The following KDM4B variants were observed in gnomAD, a reference collection of about 807,000 sequenced individuals.
The protein encoded by KDM4B is lysine-specific demethylase 4B.
A neutral mutation model predicts 125.2 loss-of-function variants in KDM4B; 32 were observed. The ratio of observed to expected loss-of-function variants is 0.26; its 90% CI spans 0.19 to 0.34. The LOEUF (loss-of-function observed/expected upper bound fraction) is 0.34, where lower values mean the gene tolerates loss of function less well. KDM4B is among the 10% of genes least tolerant of loss of function. KDM4B has a pLI of 1.00. For missense variants in KDM4B, 1,190 were observed against 1,577.7 expected (o/e 0.75, Z 4.16); for synonymous variants, 721 against 677.9 (o/e 1.06, Z -0.99).
At chr19:5,042,681 A>T (rs948674162) in intron 5 of KDM4B, among the ~76,000 whole-genome samples, 11 of 145,150 alleles carry the variant, frequency 7.6e-5, no homozygotes, top group African/African-American at 2.8e-4. Context: ...GGAGAGAGTG[A>T]GGGGGGGGGC....
In KDM4B at chr19:5,032,976, A is replaced by G. The variant is rs11667206; in HGVS notation, c.86A>G (p.Asn29Ser). ...RPTMEEFKDF[N>S]KYVAYIESQG... ...ACCATGGAAGAATTTAAAGACTTCA[A>G]CAAATACGTGGCCTACATAGAGTCG... Residue 29 changes from asparagine (N) to serine (S), a missense_variant, in exon 3 of 23, where the codon AAC becomes AGC. By Grantham distance (46) the Asn-to-Ser change is conservative (BLOSUM62 1). Coordinates refer to ENST00000159111, the MANE Select transcript of KDM4B (RefSeq NM_015015.3). 3.7e-6 allele frequency: 6 copies of G among 1,614,052 alleles called. No homozygotes were observed. The highest frequency in any genetic ancestry group is 2.2e-5 in the South Asian group (2 of 91,088).
At chr19:5,036,652 G>A (rs2036634991) in intron 3 of KDM4B, among the ~76,000 whole-genome samples, 1 of 152,262 alleles carries the variant, frequency 6.6e-6, no homozygotes, top group African/African-American at 2.4e-5. Context: ...GGCCTCAGCT[G>A]AATCTGGCCC....
intron 1 of KDM4B, among the ~76,000 whole-genome samples, chr19:4,991,251 C>A (rs2035022795): frequency 6.6e-6 from 1 of 151,614 alleles, no homozygotes; most frequent in African/African-American, 2.4e-5. Context: ...CCCATGGCAA[C>A]CCCCCCTGCC....
intron 4 of KDM4B, 89 bp from the exon 5 acceptor site, chr19:5,041,048 A>C: frequency 1.3e-6 from 1 of 799,748 alleles, no homozygotes. Flanking sequence ...CGCCTCTTTC[A>C]TGGGTGCCCT....
At position 4,974,833 on chromosome 19, in the gene KDM4B, C is replaced by T. The variant is rs112705205; in HGVS notation, c.-109+5603C>T. 9.2e-5 allele frequency among the ~76,000 whole-genome samples: 14 copies of T among 152,112 alleles called. 2 individuals carry two copies. The highest frequency in any genetic ancestry group is 2.6e-4 in the Admixed American group (4 of 15,296). On this transcript the variant is annotated intron_variant, in intron 1 of 22. Coordinates refer to ENST00000159111, the MANE Select transcript of KDM4B (RefSeq NM_015015.3). ...CTGCTCAGAACCTTCCGGTGACTTC[C>T]TGTTGCCCTTGGGAAAAATTCTGGG...
intron 5 of KDM4B, 93 bp downstream of exon 5, chr19:5,041,344 G>A (rs2036809783): frequency 6.3e-6 from 6 of 953,326 alleles, no homozygotes; most frequent in Non-Finnish European, 9.7e-6. Context: ...GGCAGATGAA[G>A]CTTCCAGGCA....
intron 1 of KDM4B, among the ~76,000 whole-genome samples, chr19:4,987,972 A>G (rs197149): frequency 0.081 from 12,310 of 152,240 alleles, 1,505 homozygotes; most frequent in African/African-American, 0.26. Context: ...TCACGCCCCC[A>G]GCTCGGCCAC....
chr19:4,973,192 T>A (rs1375730892), intron 1 of KDM4B, among the ~76,000 whole-genome samples: 1 of 152,196 alleles, frequency 6.6e-6, no homozygotes, highest in Non-Finnish European at 1.5e-5. Flanking sequence ...GCACATACTT[T>A]TATTTATTTA....
chr19:5,060,865 G>A lies in KDM4B; in HGVS notation c.627-10145G>A, dbSNP rs139783141. 2.0e-4 allele frequency among the ~76,000 whole-genome samples: 31 copies of A among 152,336 alleles called. No homozygotes were observed. In the East Asian group the frequency reaches 5.6e-3, roughly 27 times the overall value. Reference sequence around the variant, plus strand: ...GAGGGAAAAACATGGCAAACAACTCGCACATGACTTTGCGTTTTTGGCCTT... The same window carrying A: ...GAGGGAAAAACATGGCAAACAACTCACACATGACTTTGCGTTTTTGGCCTT... On this transcript the variant is annotated intron_variant, in intron 6 of 22. Transcript: ENST00000159111.
chr19:5,017,822 G>T (rs1377088362), intron 2 of KDM4B, among the ~76,000 whole-genome samples: 1 of 144,334 alleles, frequency 6.9e-6, no homozygotes, highest in Non-Finnish European at 1.5e-5. Flanking sequence ...CTCACTGCAA[G>T]CTCCGCCTCC....
chr19:5,019,594 G>C (rs1226359861), intron 2 of KDM4B, among the ~76,000 whole-genome samples: 1 of 137,172 alleles, frequency 7.3e-6, no homozygotes, highest in African/African-American at 2.7e-5. Context: ...GTTGGTGTGC[G>C]GGTGTTGGTG....
intron 6 of KDM4B, among the ~76,000 whole-genome samples, chr19:5,069,183 C>T (rs552600817): frequency 1.8e-4 from 28 of 152,310 alleles, no homozygotes; most frequent in African/African-American, 6.7e-4. Context: ...GCTGGGGTCG[C>T]CTTGGCTGGG....
In KDM4B at chr19:5,131,445, A is replaced by G. The variant is rs763228945; in HGVS notation, c.1685A>G (p.Lys562Arg). 1.7e-5 allele frequency: 28 copies of G among 1,608,164 alleles called. No individual in the cohort carries two copies. In the Admixed American group the frequency reaches 4.7e-4, roughly 27 times the overall value. Residue 562 changes from lysine to arginine, a missense_variant, in exon 12 of 23, where the codon AAG becomes AGG. Transcript: ENST00000159111. ...TTTGCCCAGAAGGGTCCGACCTGGA[A>G]GGAACCAGTTTCCCCCATGGAGCTG... ...EHFAQKGPTW[K>R]EPVSPMELTG...
At chr19:5,072,018 C>T (rs1169265560) in intron 7 of KDM4B, among the ~76,000 whole-genome samples, 1 of 152,150 alleles carries the variant, frequency 6.6e-6, no homozygotes, top group East Asian at 1.9e-4. Context: ...GGGCCCTGTC[C>T]GAGCACCCCG....
chr19:4,969,652 A>G (rs966287756), intron 1 of KDM4B, among the ~76,000 whole-genome samples: 2 of 150,586 alleles, frequency 1.3e-5, no homozygotes, highest in Non-Finnish European at 3.0e-5. Context: ...AGAAAGCAAG[A>G]AAAAGGAAAA....
intron 2 of KDM4B, among the ~76,000 whole-genome samples, chr19:5,022,469 A>G (rs1374681619): frequency 1.3e-5 from 2 of 152,140 alleles, no homozygotes; most frequent in African/African-American, 4.8e-5. Context: ...GAGTGTCTGA[A>G]GAAGTAATGA....
chr19:5,148,263 A>G (rs1209530359), intron 21 of KDM4B, among the ~76,000 whole-genome samples: 2 of 152,204 alleles, frequency 1.3e-5, no homozygotes, highest in Non-Finnish European at 2.9e-5. Flanking sequence ...CTCATAGTGA[A>G]AGCACGTTCC....
intron 11 of KDM4B, among the ~76,000 whole-genome samples, chr19:5,125,538 A>G (rs528335177): frequency 2.6e-5 from 4 of 152,234 alleles, no homozygotes; most frequent in African/African-American, 9.6e-5. Context: ...CATCCTGTTT[A>G]AAGATGTACA....
At chr19:5,040,203 C>T (rs900810867) in intron 4 of KDM4B, among the ~76,000 whole-genome samples, 192 bp downstream of exon 4, 6 of 152,146 alleles carry the variant, frequency 3.9e-5, no homozygotes, top group South Asian at 4.1e-4. Flanking sequence ...CCTGGGCTGA[C>T]CCACACCGCC....
Sources: gnomAD v4.1 joint callset for allele counts (sites outside exome capture counted in the v4.1 genomes callset) on GRCh38, gnomAD v4.1.1 for gene constraint, MANE v1.5 for transcripts, NCBI Gene and HGNC (gene_info 2026-07-23, HGNC 2026-07-21) for gene names.